PIK3C2G: variants seen among roughly 807,000 people sequenced by gnomAD.
The protein encoded by PIK3C2G is phosphatidylinositol 3-kinase C2 domain-containing subunit gamma.
Under a neutral mutation model 181.1 loss-of-function variants are expected in PIK3C2G, and 168 were observed. The ratio of observed to expected loss-of-function variants is 0.93; its 90% CI spans 0.82 to 1.05. The LOEUF is 1.05. PIK3C2G is among the 50% of genes least tolerant of loss of function. The pLI, the probability that PIK3C2G is intolerant of heterozygous loss-of-function variation, is 0.00. For synonymous variants in PIK3C2G, 573 were observed against 592.2 expected (o/e 0.97, Z 0.47); for missense variants, 1,869 against 1,732.8 (o/e 1.08, Z -1.40).
rs1288029300 is a variant in PIK3C2G, at chr12:18,449,916, C to G, written c.2504+25877C>G. Among the ~76,000 whole-genome samples, 3 of 152,274 alleles carry G rather than the reference C, an allele frequency of 2.0e-5. No homozygotes were observed. In the East Asian group the frequency reaches 5.8e-4, roughly 30 times the overall value. ...ACTCCACCAACAGTGTAAAAGCATT[C>G]CTATTTCTCCACATCCTCGACAGCA... is the stretch of plus-strand genomic sequence containing the variant. On this transcript the variant is annotated intron_variant, in intron 18 of 32. Coordinates refer to ENST00000538779, the MANE Select transcript of PIK3C2G (RefSeq NM_001288772.2).
chr12:18,283,044 A>G (rs1949290871), intron 2 of PIK3C2G, among the ~76,000 whole-genome samples: 1 of 152,170 alleles, frequency 6.6e-6, no homozygotes, highest in Non-Finnish European at 1.5e-5. Context: ...TTTCATTGAT[A>G]AAAATAGCAG....
chr12:18,574,243 G>T (rs550358944), intron 29 of PIK3C2G, among the ~76,000 whole-genome samples: 2 of 152,100 alleles, frequency 1.3e-5, no homozygotes, highest in Non-Finnish European at 2.9e-5. Context: ...AGAGTACAAG[G>T]CCTTTTGGAT....
the PIK3C2G span, chr12:18,692,992 T>C: frequency 2.8e-6 from 4 of 1,406,804 alleles, no homozygotes; most frequent in South Asian, 4.6e-5. Flanking sequence ...AAAGACTATC[T>C]TCTCATGGAG....
chr12:18,272,241 G>A (rs773638492), intron 1 of PIK3C2G, among the ~76,000 whole-genome samples: 4 of 151,562 alleles, frequency 2.6e-5, no homozygotes, highest in Admixed American at 6.6e-5. Context: ...TATTTTTTCT[G>A]TACAGATTTC....
At chr12:18,385,503 T>C (rs1943107725) in intron 14 of PIK3C2G, among the ~76,000 whole-genome samples, 1 of 152,182 alleles carries the variant, frequency 6.6e-6, no homozygotes, top group Non-Finnish European at 1.5e-5. Context: ...CTGTCACATA[T>C]TTAAGCACGA....
intron 24 of PIK3C2G, among the ~76,000 whole-genome samples, chr12:18,507,715 C>T (rs758265835): frequency 2.6e-5 from 4 of 151,802 alleles, no homozygotes; most frequent in African/African-American, 4.8e-5. Context: ...ATTTGGAGTA[C>T]CCTTATTCAT....
intron 16 of PIK3C2G, among the ~76,000 whole-genome samples, chr12:18,413,051 T>C (rs75163901): frequency 0.025 from 3,871 of 152,320 alleles, 142 homozygotes; most frequent in African/African-American, 0.083. Flanking sequence ...TTTTTAGCCA[T>C]GTGTCTTTGA....
At position 18,566,961 on chromosome 12, in the gene PIK3C2G, G is replaced by C. The variant is rs1469807642; in HGVS notation, c.3915G>C (p.Trp1305Cys). 6.3e-7 allele frequency: 1 copy of C among 1,586,286 alleles called. No individual in the cohort carries two copies. ...TCTCTTAAAACAGGTTTCCTCATTGGTGGCACCTACCTTTTACAAATTCAG... is the reference window on the plus strand; with the variant it reads ...TCTCTTAAAACAGGTTTCCTCATTGCTGGCACCTACCTTTTACAAATTCAG... Reference protein sequence around the residue: ...ASLTLPEFPHWWHLPFTNSDH... With the variant: ...ASLTLPEFPHCWHLPFTNSDH... The change falls in exon 29 of 33, where the codon TGG becomes TGC. Residue 1305 changes from tryptophan (W) to cysteine (C), a missense_variant. By Grantham distance (215) the Trp-to-Cys change is radical. Transcript: ENST00000538779.
chr12:18,540,353 A>G (rs2136247240), intron 25 of PIK3C2G, among the ~76,000 whole-genome samples: 1 of 152,040 alleles, frequency 6.6e-6, no homozygotes, highest in East Asian at 1.9e-4. Context: ...TCAAAAATAA[A>G]CCCAAAACAG....
chr12:18,710,249 A>C, the PIK3C2G span, among the ~76,000 whole-genome samples: 1 of 149,902 alleles, frequency 6.7e-6, no homozygotes, highest in African/African-American at 2.5e-5. Context: ...TTTGAATTTT[A>C]AGACTGTCAC....
At chr12:18,539,548 C>T (rs955827745) in intron 25 of PIK3C2G, among the ~76,000 whole-genome samples, 3 of 151,442 alleles carry the variant, frequency 2.0e-5, no homozygotes, top group Non-Finnish European at 4.4e-5. Context: ...TTTAAAATTC[C>T]AGTCTTCAAT....
At chr12:18,357,120 G>C (rs539226191) in intron 11 of PIK3C2G, among the ~76,000 whole-genome samples, 1 of 152,208 alleles carries the variant, frequency 6.6e-6, no homozygotes, top group African/African-American at 2.4e-5. Flanking sequence ...ACTAAAAAAA[G>C]ATATCTCAAA....
the PIK3C2G span, among the ~76,000 whole-genome samples, chr12:18,710,237 C>T: frequency 6.7e-6 from 1 of 148,730 alleles, no homozygotes; most frequent in African/African-American, 2.5e-5. Flanking sequence ...CCTTGCAAGG[C>T]CTTTGAATTT....
chr12:18,413,673 C>A (rs529155832), intron 16 of PIK3C2G, among the ~76,000 whole-genome samples: 24 of 152,182 alleles, frequency 1.6e-4, no homozygotes, highest in African/African-American at 5.5e-4. Flanking sequence ...GTCCCATACT[C>A]AAAGTGTAAT....
intron 15 of PIK3C2G, among the ~76,000 whole-genome samples, chr12:18,396,058 TTAAATG>T (rs1365170056): frequency 6.6e-6 from 1 of 151,576 alleles, no homozygotes; most frequent in African/African-American, 2.4e-5. Context: ...CAATAAGACA[TTAAATG>T]TAAATGCACT....
intron 1 of PIK3C2G, among the ~76,000 whole-genome samples, chr12:18,267,214 T>C (rs1239648647): frequency 6.6e-6 from 1 of 152,112 alleles, no homozygotes; most frequent in Non-Finnish European, 1.5e-5. Flanking sequence ...ATTTTAAATA[T>C]GTGACTGAAT....
intron 26 of PIK3C2G, among the ~76,000 whole-genome samples, chr12:18,555,988 C>T (rs1397655350): frequency 6.6e-6 from 1 of 152,084 alleles, no homozygotes; most frequent in Admixed American, 6.6e-5. Flanking sequence ...TAACATGAAG[C>T]ATTTAGTGTA....
rs553169599 is a variant in PIK3C2G at position 18,640,984 on chromosome 12, GTATAT to G, written c.4308+435_4308+439del. On this transcript the variant is annotated intron_variant, in intron 32 of 32. Coordinates refer to ENST00000538779, the MANE Select transcript of PIK3C2G (RefSeq NM_001288772.2). ...ATACAAAATACAAATGGAAGTTAATGTATATTATAAATAGCTCTCTAATTTATTTG... is the reference window on the plus strand; with the variant it reads ...ATACAAAATACAAATGGAAGTTAATGTATAAATAGCTCTCTAATTTATTTG... 3.2e-4 allele frequency among the ~76,000 whole-genome samples: 48 copies of G among 152,240 alleles called. 1 individual carries two copies. The highest frequency in any genetic ancestry group is 6.5e-4 in the Admixed American group (10 of 15,282).
chr12:18,717,963 C>T, the PIK3C2G span, among the ~76,000 whole-genome samples: 89 of 152,218 alleles, frequency 5.8e-4, 1 homozygote, highest in Middle Eastern at 3.4e-3. Flanking sequence ...TGTTGAGCAG[C>T]AGCAGTGAGC....
Sources: gnomAD v4.1 joint callset for allele counts (sites outside exome capture counted in the v4.1 genomes callset) on GRCh38, gnomAD v4.1.1 for gene constraint, MANE v1.5 for transcripts, NCBI Gene and HGNC (gene_info 2026-07-23, HGNC 2026-07-21) for gene names.